CDH12: variants seen among roughly 807,000 people sequenced by gnomAD.
CDH12 encodes cadherin-12.
In CDH12, 41 loss-of-function variants were observed where a neutral mutation model predicts 74.1. The ratio of observed to expected loss-of-function variants is 0.55; its 90% CI spans 0.43 to 0.72. CDH12 has a LOEUF of 0.72. Ranked by LOEUF, CDH12 falls within the 30% of genes least tolerant of loss-of-function variation. The pLI, the probability that CDH12 is intolerant of heterozygous loss-of-function variation, is 0.00. For missense variants in CDH12, 945 were observed against 977.2 expected (o/e 0.97, Z 0.44); for synonymous variants, 399 against 355.0 (o/e 1.12, Z -1.39).
intron 3 of CDH12, among the ~76,000 whole-genome samples, chr5:22,390,450 A>T (rs1242072326): frequency 6.6e-6 from 1 of 152,064 alleles, no homozygotes; most frequent in Non-Finnish European, 1.5e-5. Context: ...ATTAGTTTAT[A>T]TCTATACATA....
At chr5:22,163,853 T>G (rs1344554556) in intron 4 of CDH12, among the ~76,000 whole-genome samples, 1 of 152,226 alleles carries the variant, frequency 6.6e-6, no homozygotes, top group Non-Finnish European at 1.5e-5. Flanking sequence ...TTCATCTCAC[T>G]GTTATGTCTC....
intron 1 of CDH12, among the ~76,000 whole-genome samples, chr5:22,848,329 T>C (rs1418252382): frequency 6.6e-6 from 1 of 152,244 alleles, no homozygotes; most frequent in African/African-American, 2.4e-5. Flanking sequence ...AATCAATTAC[T>C]GATACTATTG....
chr5:22,491,838 G>A (rs1457954864), intron 2 of CDH12, among the ~76,000 whole-genome samples: 2 of 151,942 alleles, frequency 1.3e-5, no homozygotes, highest in African/African-American at 4.8e-5. Flanking sequence ...TCTTCTGACA[G>A]CTCTGAGCAA....
intron 2 of CDH12, among the ~76,000 whole-genome samples, chr5:22,458,332 A>G (rs548706147): frequency 6.6e-6 from 1 of 152,272 alleles, no homozygotes; most frequent in South Asian, 2.1e-4. Context: ...AGATACTAGC[A>G]ATATTGGATT....
intron 3 of CDH12, among the ~76,000 whole-genome samples, chr5:22,318,697 G>A (rs1422746940): frequency 1.3e-5 from 2 of 152,270 alleles, no homozygotes; most frequent in South Asian, 2.1e-4. Context: ...TGCCAGCCTT[G>A]CAATTTGCCT....
intron 3 of CDH12, among the ~76,000 whole-genome samples, chr5:22,280,390 G>T (rs1422859199): frequency 6.6e-6 from 1 of 152,110 alleles, no homozygotes; most frequent in Non-Finnish European, 1.5e-5. Flanking sequence ...AACTGAAGGA[G>T]ATAGAGACAC....
intron 1 of CDH12, among the ~76,000 whole-genome samples, chr5:22,655,903 T>C (rs563775500): frequency 1.3e-5 from 2 of 152,212 alleles, no homozygotes; most frequent in African/African-American, 2.4e-5. Context: ...CAGAACATTA[T>C]AGTGATGATG....
intron 3 of CDH12, among the ~76,000 whole-genome samples, chr5:22,378,406 C>T (rs1741627330): frequency 6.6e-6 from 1 of 151,850 alleles, no homozygotes; most frequent in Non-Finnish European, 1.5e-5. Context: ...GAAATGCTAC[C>T]ATTAACTGAA....
chr5:22,218,098 T>C (rs916872605), intron 3 of CDH12, among the ~76,000 whole-genome samples: 1 of 151,764 alleles, frequency 6.6e-6, no homozygotes, highest in East Asian at 1.9e-4. Flanking sequence ...TTACGTCAAG[T>C]GTCAACAATG....
chr5:22,177,448 T>A, intron 4 of CDH12, among the ~76,000 whole-genome samples: 1 of 152,138 alleles, frequency 6.6e-6, no homozygotes, highest in East Asian at 1.9e-4. Flanking sequence ...ATGTTTAAAT[T>A]ATGTAGCACA....
chr5:22,605,526 T>TTCCCACC (rs1041128929), intron 1 of CDH12, among the ~76,000 whole-genome samples: 1 of 152,144 alleles, frequency 6.6e-6, no homozygotes, highest in Admixed American at 6.5e-5. Flanking sequence ...CCCTTCCTCA[T>TTCCCACC]TCCCACCTCC....
intron 5 of CDH12, among the ~76,000 whole-genome samples, chr5:22,028,023 C>T (rs1457313322): frequency 6.6e-6 from 1 of 151,950 alleles, no homozygotes; most frequent in Non-Finnish European, 1.5e-5. Context: ...TGTCTTTGTT[C>T]TCGTTGGTTT....
intron 11 of CDH12, among the ~76,000 whole-genome samples, chr5:21,777,176 C>T (rs889041009): frequency 5.3e-5 from 8 of 151,982 alleles, no homozygotes; most frequent in Non-Finnish European, 1.0e-4. Flanking sequence ...GGGAAATTAT[C>T]AAAAAAGATC....
chr5:22,754,161 A>C (rs1344426816), intron 1 of CDH12, among the ~76,000 whole-genome samples: 1 of 152,212 alleles, frequency 6.6e-6, no homozygotes, highest in African/African-American at 2.4e-5. Context: ...ACATCATATT[A>C]TGAAAGAAAT....
At chr5:22,334,270 T>C (rs1272186031) in intron 3 of CDH12, among the ~76,000 whole-genome samples, 1 of 152,002 alleles carries the variant, frequency 6.6e-6, no homozygotes, top group Non-Finnish European at 1.5e-5. Flanking sequence ...TAAAATTAAA[T>C]ATTAAGTTAA....
chr5:22,825,689 T>A (rs1340317547), intron 1 of CDH12, among the ~76,000 whole-genome samples: 2 of 152,134 alleles, frequency 1.3e-5, no homozygotes, highest in Admixed American at 1.3e-4. Flanking sequence ...ACATTGTAAG[T>A]CCTCTGTACA....
intron 5 of CDH12, among the ~76,000 whole-genome samples, chr5:22,021,168 T>C (rs947518377): frequency 1.3e-5 from 2 of 152,192 alleles, no homozygotes; most frequent in African/African-American, 4.8e-5. Context: ...AACTATAGCC[T>C]GAAGGTCATT....
chr5:21,795,292 G>T (rs1456470322), intron 10 of CDH12, among the ~76,000 whole-genome samples: 1 of 151,664 alleles, frequency 6.6e-6, no homozygotes, highest in African/African-American at 2.4e-5. Flanking sequence ...TCTGAGGGTT[G>T]AAATACTGAA....
intron 1 of CDH12, among the ~76,000 whole-genome samples, chr5:22,802,267 G>A (rs1023756602): frequency 1.5e-4 from 23 of 151,424 alleles, no homozygotes; most frequent in Non-Finnish European, 2.7e-4. Flanking sequence ...GACTACAGGC[G>A]CCCGCCACCA....
Sources: gnomAD v4.1 joint callset for allele counts (sites outside exome capture counted in the v4.1 genomes callset) on GRCh38, gnomAD v4.1.1 for gene constraint, MANE v1.5 for transcripts, NCBI Gene and HGNC (gene_info 2026-07-23, HGNC 2026-07-21) for gene names.